VPS4B: variants seen among roughly 807,000 people sequenced by gnomAD.
VPS4B encodes vacuolar protein sorting-associated protein 4B.
In VPS4B, 23 loss-of-function variants were observed where a neutral mutation model predicts 56.1. The ratio of observed to expected loss-of-function variants is 0.41; its 90% confidence interval spans 0.30 to 0.58. The LOEUF (loss-of-function observed/expected upper bound fraction) is 0.58. Ranked by LOEUF, VPS4B falls within the 20% of genes least tolerant of loss-of-function variation. The pLI, the probability that VPS4B is intolerant of heterozygous loss-of-function variation, is 0.29. For missense variants in VPS4B, 372 were observed against 531.9 expected (o/e 0.70, Z 2.96); for synonymous variants, 177 against 186.0 (o/e 0.95, Z 0.39).
chr18:63,422,313 C>G lies in VPS4B; in HGVS notation c.-54G>C. The G allele has an allele frequency of 1.4e-6, 2 of 1,447,742 alleles. No individual in the cohort carries two copies. Among genetic ancestry groups the G allele is most frequent in the Admixed American group, 2.8e-5 (1 of 35,806 alleles). The allele number at this position is 1,447,742 out of a possible 1,614,324, so 89.7% of individuals were successfully genotyped here. A position where few individuals can be genotyped will look rare whatever the true frequency, so the allele number is the denominator to read the frequency against. The stretch of plus-strand genomic sequence containing the variant: ...AACGAGGGGCGAGGAGAGCCAACAG[C>G]AGCAACGTCGAAGCGCGCACGGGGT... On this transcript the variant is annotated 5_prime_UTR_variant, in exon 1 of 11. Transcript: ENST00000238497.
At chr18:63,422,209 G>T (rs143858287) in intron 1 of VPS4B, 24 bp downstream of exon 1, 1 of 1,499,470 alleles carries the variant, frequency 6.7e-7, no homozygotes, top group South Asian at 1.3e-5. Flanking sequence ...GCTCCCTAGG[G>T]GGACGGGAGA....
chr18:63,394,132 T>A (rs1370373380), intron 9 of VPS4B, among the ~76,000 whole-genome samples: 1 of 152,028 alleles, frequency 6.6e-6, no homozygotes, highest in Non-Finnish European at 1.5e-5. Context: ...AAAAAAAAAA[T>A]AGTTACCTGT....
intron 10 of VPS4B, among the ~76,000 whole-genome samples, chr18:63,392,852 G>C (rs555670500): frequency 6.6e-6 from 1 of 151,912 alleles, no homozygotes; most frequent in East Asian, 1.9e-4. Context: ...CCTGGTTCAC[G>C]TGATTCTCCT....
chr18:63,402,734 TATG>T (rs1267139890), intron 5 of VPS4B, among the ~76,000 whole-genome samples: 2 of 152,210 alleles, frequency 1.3e-5, no homozygotes, highest in African/African-American at 2.4e-5. Context: ...TTTATAGGAT[TATG>T]ATGTCAACTT....
intron 7 of VPS4B, among the ~76,000 whole-genome samples, chr18:63,399,799 A>G (rs1424530058): frequency 6.6e-6 from 1 of 152,172 alleles, no homozygotes; most frequent in Admixed American, 6.5e-5. Context: ...ATTCTGCTTG[A>G]ATTTTTCATT....
chr18:63,402,147 AT>A (rs1386267227), intron 5 of VPS4B, among the ~76,000 whole-genome samples: 1 of 152,190 alleles, frequency 6.6e-6, no homozygotes, highest in Non-Finnish European at 1.5e-5. Context: ...TCATTTTCCT[AT>A]TTTACATGTA....
intron 4 of VPS4B, among the ~76,000 whole-genome samples, chr18:63,405,552 T>G (rs1915898042): frequency 6.6e-6 from 1 of 152,144 alleles, no homozygotes; most frequent in Admixed American, 6.5e-5. Flanking sequence ...TCAAATACAT[T>G]TCCTCATTTA....
At chr18:63,417,242 T>C (rs1470960818) in intron 1 of VPS4B, among the ~76,000 whole-genome samples, 1 of 152,186 alleles carries the variant, frequency 6.6e-6, no homozygotes, top group East Asian at 1.9e-4. Flanking sequence ...CAAAACACTG[T>C]TCGGTGTTAG....
intron 1 of VPS4B, 60 bp downstream of exon 1, chr18:63,422,173 G>A: frequency 7.2e-7 from 1 of 1,394,656 alleles, no homozygotes; most frequent in Admixed American, 3.3e-5. Flanking sequence ...CCCCCCACCC[G>A]CTTCTCGCGC....
At chr18:63,404,966 TTTCA>T (rs1915885386) in intron 4 of VPS4B, among the ~76,000 whole-genome samples, 1 of 152,166 alleles carries the variant, frequency 6.6e-6, no homozygotes, top group Non-Finnish European at 1.5e-5. Context: ...CTTTTTTATG[TTTCA>T]TTAAGATTAG....
chr18:63,417,560 T>C (rs1273167947), intron 1 of VPS4B, among the ~76,000 whole-genome samples: 1 of 152,178 alleles, frequency 6.6e-6, no homozygotes, highest in African/African-American at 2.4e-5. Flanking sequence ...ATTCATCAGG[T>C]GTGGGCTGGG....
chr18:63,411,805 G>T (rs1249971845), intron 1 of VPS4B, among the ~76,000 whole-genome samples: 1 of 152,076 alleles, frequency 6.6e-6, no homozygotes, highest in Non-Finnish European at 1.5e-5. Flanking sequence ...CAAATTACAT[G>T]TTATAGGAAT....
chr18:63,405,842 C>T (rs538340091), intron 4 of VPS4B, among the ~76,000 whole-genome samples: 1 of 151,218 alleles, frequency 6.6e-6, no homozygotes, highest in African/African-American at 2.4e-5. Flanking sequence ...AAAACTTAGC[C>T]GGGCATGGTG....
intron 1 of VPS4B, among the ~76,000 whole-genome samples, chr18:63,419,416 C>CAA (rs113343067): frequency 1.8e-4 from 26 of 141,060 alleles, no homozygotes; most frequent in African/African-American, 6.4e-4. Flanking sequence ...GACTCTGTCT[C>CAA]AAAAAAAAAA....
At chr18:63,398,759 C>T (rs1568084914) in intron 8 of VPS4B, among the ~76,000 whole-genome samples, 2 of 150,010 alleles carry the variant, frequency 1.3e-5, no homozygotes, top group African/African-American at 4.9e-5. Context: ...CACTTGAACC[C>T]GGGAGGTGGA....
At chr18:63,421,398 C>T (rs1916298538) in intron 1 of VPS4B, among the ~76,000 whole-genome samples, 1 of 152,176 alleles carries the variant, frequency 6.6e-6, no homozygotes, top group Non-Finnish European at 1.5e-5. Context: ...AAGTCCACGA[C>T]GGGGACTCAA....
intron 1 of VPS4B, 79 bp downstream of exon 1, chr18:63,422,154 T>C (rs1021923691): frequency 4.4e-6 from 6 of 1,363,838 alleles, no homozygotes; most frequent in Middle Eastern, 1.9e-4. Context: ...GCTTCCTCCC[T>C]TCTCCCCGCC....
rs774292261 is a variant in VPS4B, at chr18:63,390,927, T to C, written c.*48A>G. 9.0e-6 allele frequency: 12 copies of C among 1,326,150 alleles called. No individual in the cohort carries two copies. Among genetic ancestry groups the C allele is most frequent in the Non-Finnish European group, 1.3e-5 (12 of 931,290 alleles). 82.1% of individuals were successfully genotyped at this position (1,326,150 alleles called of 1,614,324 possible). ...AATGCGATCCAAATAGACAAAAATA[T>C]CTATGAAAGAAAGAATACATATGGT... On this transcript the variant is annotated 3_prime_UTR_variant, in exon 11 of 11. Transcript: ENST00000238497.
At position 63,395,673 on chromosome 18, in the gene VPS4B, G is replaced by A. The variant is rs1413839890; in HGVS notation, c.1092+1361C>T. 6.6e-5 allele frequency among the ~76,000 whole-genome samples: 10 copies of A among 152,204 alleles called. 1 individual carries two copies. Among genetic ancestry groups the A allele is most frequent in the Non-Finnish European group, 2.9e-5 (2 of 68,034 alleles). On this transcript the variant is annotated intron_variant, in intron 9 of 10. Transcript: ENST00000238497. ...TTTGCTAATAGTTTTTCACATGTAT[G>A]TTCATGAGTAATACTGGATACTGTT...
Sources: allele counts gnomAD v4.1 joint callset (sites outside exome capture counted in the v4.1 genomes callset), GRCh38; gene constraint gnomAD v4.1.1; transcripts MANE v1.5; gene names NCBI Gene and HGNC (gene_info 2026-07-23, HGNC 2026-07-21).